Variants in ACOT9 observed in about 807,000 individuals in gnomAD.
ACOT9 encodes acyl-coenzyme A thioesterase 9, mitochondrial.
ACOT9 carries 34 observed loss-of-function variants against 39.7 expected under a neutral mutation model. The observed-to-expected ratio is 0.86, with a 90% CI of 0.65 to 1.14. The LOEUF is 1.14. ACOT9 is among the 50% of genes most tolerant of loss of function. ACOT9 has a pLI of 0.00. For synonymous variants in ACOT9, 110 were observed against 120.5 expected (o/e 0.91, Z 0.57); for missense variants, 313 against 344.1 (o/e 0.91, Z 0.71).
chrX:23,707,832 T>A (rs1476611649), intron 10 of ACOT9, 45 bp downstream of exon 10: 3 of 985,492 alleles, frequency 3.0e-6, no homozygotes, highest in African/African-American at 1.9e-5. Flanking sequence ...GCAGCGTAAT[T>A]AATGTGCTTT....
intron 7 of ACOT9, among the ~76,000 whole-genome samples, 194 bp from the exon 8 acceptor site, chrX:23,722,178 TA>T: frequency 8.9e-6 from 1 of 112,215 alleles, no homozygotes; most frequent in East Asian, 2.8e-4. Flanking sequence ...ATATAAAAAA[TA>T]AAACTGGAAT....
At chrX:23,716,718 A>T (rs1461467230) in intron 8 of ACOT9, among the ~76,000 whole-genome samples, 2 of 111,043 alleles carry the variant, frequency 1.8e-5, no homozygotes, top group African/African-American at 6.5e-5. Flanking sequence ...ATGGGGTCTC[A>T]CTCTGTCACC....
At position 23,702,052 on chromosome X, in the gene ACOT9, GAC is replaced by G. The variant is rs200544438; in HGVS notation, c.*1840_*1841del. On this transcript the variant is annotated 3_prime_UTR_variant, in exon 16 of 16. Coordinates refer to ENST00000379303, the MANE Select transcript of ACOT9 (RefSeq NM_001037171.2). The stretch of plus-strand genomic sequence containing the variant: ...CATGCCACTGCACTCCAGCTGGAGC[GAC>G]AGAGTGAAACTCTGTCTCACACACA... Among the ~76,000 whole-genome samples the G allele has an allele frequency of 0.053, 5,690 of 106,977 alleles. 177 individuals carry two copies. The highest frequency in any genetic ancestry group is 0.081 in the Non-Finnish European group (4,227 of 51,962). 92.9% of individuals were successfully genotyped at this position (106,977 alleles called of 115,157 possible).
At chrX:23,713,545 T>C (rs1316396466) in intron 8 of ACOT9, among the ~76,000 whole-genome samples, 1 of 92,622 alleles carries the variant, frequency 1.1e-5, no homozygotes, top group Non-Finnish European at 2.1e-5. Flanking sequence ...CAGGCCCCTG[T>C]CTAAAAAAAA....
At chrX:23,730,483 A>ATATC in intron 6 of ACOT9, 44 bp downstream of exon 6, 2 of 1,018,289 alleles carry the variant, frequency 2.0e-6, no homozygotes, top group Non-Finnish European at 2.8e-6. Flanking sequence ...AATTCAATGT[A>ATATC]TATCTGTAGG....
intron 1 of ACOT9, among the ~76,000 whole-genome samples, chrX:23,742,497 G>T (rs1346282068): frequency 1.8e-5 from 2 of 110,557 alleles, no homozygotes; most frequent in Admixed American, 1.9e-4. Flanking sequence ...TGCCAGCTGG[G>T]AAGATTACAT....
intron 4 of ACOT9, among the ~76,000 whole-genome samples, chrX:23,731,262 G>C (rs950163989): frequency 3.6e-5 from 4 of 111,686 alleles, no homozygotes; most frequent in Non-Finnish European, 7.5e-5. Context: ...GATCACACGA[G>C]GTCAGGGGTT....
At chrX:23,740,717 T>TACACATAC (rs1555941651) in intron 1 of ACOT9, among the ~76,000 whole-genome samples, 2 of 92,063 alleles carry the variant, frequency 2.2e-5, no homozygotes, top group Admixed American at 2.6e-4. Context: ...CCCCAATACA[T>TACACATAC]ACACACACAC....
chrX:23,704,383 T>A (rs1279811705), intron 15 of ACOT9, among the ~76,000 whole-genome samples: 1 of 100,546 alleles, frequency 9.9e-6, no homozygotes, highest in Non-Finnish European at 2.0e-5. Context: ...GGTTTCACCG[T>A]GTTAGCCAGG....
Position 23,740,920 on chromosome X carries a change from A to G in ACOT9, c.20+2205T>C, listed in dbSNP as rs780690429. Among the ~76,000 whole-genome samples, 67 of 109,726 alleles carry G rather than the reference A, an allele frequency of 6.1e-4. 1 individual carries two copies. The highest frequency in any genetic ancestry group is 1.1e-3 in the Non-Finnish European group (60 of 52,689). On this transcript the variant is annotated intron_variant, in intron 1 of 15. Transcript: ENST00000379303. ...GTGGAGAGGCCTTTGCAACACTCAA[A>G]TCCCAGGACCTTGTAACTGAACCTT...
Position 23,730,548 on chromosome X carries a change from C to G in ACOT9, c.379G>C (p.Glu127Gln), listed in dbSNP as rs779423852. 2 of 1,208,389 alleles carry G rather than the reference C, an allele frequency of 1.7e-6. No individual in the cohort carries two copies. The highest frequency in any genetic ancestry group is 2.2e-6 in the Non-Finnish European group (2 of 892,535). The change falls in exon 6 of 16, where the codon GAG becomes CAG. Residue 127 changes from glutamate to glutamine, a missense_variant. By Grantham distance (29) the Glu-to-Gln change is conservative. Transcript: ENST00000379303. ...QNTVRFGRIL[E>Q]DLDSLGVLIC... is the part of the protein sequence containing the mutation. ...GTACCTCCCAAGCTGTCAAGATCCT[C>G]AAGAATCCTGCCAAATCTGTGAAAT...
At position 23,743,244 on chromosome X, in the gene ACOT9, C is replaced by T; in HGVS notation, c.-100G>A. 9.7e-7 allele frequency: 1 copy of T among 1,036,111 alleles called. No homozygotes were observed. Among genetic ancestry groups the T allele is most frequent in the South Asian group, 2.5e-5 (1 of 40,011 alleles). The allele number at this position is 1,036,111 out of a possible 1,213,427, so 85.4% of individuals were successfully genotyped here. The stretch of plus-strand genomic sequence containing the variant: ...AAAGACGCACGAGTACCAGACCGCG[C>T]CCTTGCTGAGGACAGCCCGGGAGCC... On this transcript the variant is annotated 5_prime_UTR_variant, in exon 1 of 16. Coordinates refer to ENST00000379303, the MANE Select transcript of ACOT9 (RefSeq NM_001037171.2).
intron 6 of ACOT9, among the ~76,000 whole-genome samples, chrX:23,728,138 T>C (rs1010399837): frequency 4.5e-5 from 5 of 111,040 alleles, no homozygotes; most frequent in Non-Finnish European, 9.4e-5. Flanking sequence ...TATAAAAAAA[T>C]AGTTTTTTAA....
In ACOT9 at chrX:23,721,840, GT is replaced by G; in HGVS notation, c.588+40del. On this transcript the variant is annotated intron_variant, in intron 8 of 15. Coordinates refer to ENST00000379303, the MANE Select transcript of ACOT9 (RefSeq NM_001037171.2). ...GCTTTTCTTGCATGGAGACTAGCTG[GT>G]TTTACTTAAACAGTGGACAATCTTC... 5 of 1,108,537 alleles carry G rather than the reference GT, an allele frequency of 4.5e-6. No individual in the cohort carries two copies. In the South Asian group the frequency reaches 9.4e-5, roughly 21 times the overall value. 91.4% of individuals were successfully genotyped at this position (1,108,537 alleles called of 1,213,427 possible). A position where few individuals can be genotyped will look rare whatever the true frequency, so the allele number is the denominator to read the frequency against.
chrX:23,727,640 G>A (rs976833633), intron 6 of ACOT9, among the ~76,000 whole-genome samples: 1 of 109,390 alleles, frequency 9.1e-6, no homozygotes, highest in African/African-American at 3.3e-5. Flanking sequence ...TTTTTAACTG[G>A]GTTTATTTAA....
chrX:23,713,339 A>G (rs1928967004), intron 8 of ACOT9, 131 bp from the exon 9 acceptor site: 1 of 485,565 alleles, frequency 2.1e-6, no homozygotes, highest in African/African-American at 2.4e-5. Context: ...GCACTTTGAG[A>G]GGCCAAGGTG....
chrX:23,738,424 C>T (rs1341427044), intron 1 of ACOT9, among the ~76,000 whole-genome samples: 3 of 106,488 alleles, frequency 2.8e-5, no homozygotes, highest in African/African-American at 6.8e-5. Context: ...GCCTGGCCAA[C>T]ATGGTGAAAC....
At chrX:23,705,197 G>A in intron 13 of ACOT9, 117 bp from the exon 14 acceptor site, 1 of 686,656 alleles carries the variant, frequency 1.5e-6, no homozygotes, top group South Asian at 2.7e-5. Flanking sequence ...AGTTAGAGAA[G>A]GGGGAAAAGA....
intron 2 of ACOT9, 45 bp from the exon 3 acceptor site, chrX:23,734,412 C>T: frequency 9.4e-7 from 1 of 1,059,891 alleles, no homozygotes; most frequent in South Asian, 2.0e-5. Flanking sequence ...AGCAATAATT[C>T]AAAACTAAAA....
Sources: gnomAD v4.1 joint callset for allele counts (sites outside exome capture counted in the v4.1 genomes callset) on GRCh38, gnomAD v4.1.1 for gene constraint, MANE v1.5 for transcripts, NCBI Gene and HGNC (gene_info 2026-07-23, HGNC 2026-07-21) for gene names.